Variants in WWOX observed in about 807,000 individuals in gnomAD.
WWOX encodes WW domain-containing oxidoreductase.
WWOX carries 69 observed loss-of-function variants against 46.2 expected under a neutral mutation model. The observed-to-expected ratio is 1.49, with a 90% CI of 1.23 to 1.82. The LOEUF is 1.82. WWOX is among the 40% of genes most tolerant of loss of function. WWOX has a pLI of 0.00. For synonymous variants in WWOX, 359 were observed against 202.6 expected, an observed-to-expected ratio of 1.77 and a Z score of -6.56; for missense variants, 919 against 542.6, an observed-to-expected ratio of 1.69 and a Z score of -6.89.
intron 8 of WWOX, among the ~76,000 whole-genome samples, chr16:78,915,433 T>C (rs907115651): frequency 6.6e-6 from 1 of 152,154 alleles, no homozygotes; most frequent in Non-Finnish European, 1.5e-5. Flanking sequence ...TAAATGTAAA[T>C]CGACTTAATA....
chr16:78,738,166 C>T (rs8058209), intron 8 of WWOX, among the ~76,000 whole-genome samples: 1,806 of 152,054 alleles, frequency 0.012, 38 homozygotes, highest in African/African-American at 0.04. Flanking sequence ...TGTGTGTGTC[C>T]GACTCATAAA....
At chr16:79,101,046 G>A (rs2049182539) in intron 8 of WWOX, 1 of 153,080 alleles carries the variant, frequency 6.5e-6, no homozygotes, top group Non-Finnish European at 1.5e-5. Flanking sequence ...CAGGACCCAG[G>A]ACGAGAGTTC....
intron 8 of WWOX, among the ~76,000 whole-genome samples, chr16:78,865,687 C>T (rs1402684119): frequency 1.3e-5 from 2 of 152,082 alleles, no homozygotes; most frequent in Non-Finnish European, 2.9e-5. Flanking sequence ...CGACACCAGC[C>T]TGGCCAACAT....
intron 8 of WWOX, among the ~76,000 whole-genome samples, chr16:78,927,936 G>T (rs1400996788): frequency 6.6e-6 from 1 of 152,108 alleles, no homozygotes; most frequent in Non-Finnish European, 1.5e-5. Flanking sequence ...TAAGTTTGCA[G>T]AGATTTGTGC....
chr16:78,827,660 C>A (rs6564601), intron 8 of WWOX, among the ~76,000 whole-genome samples: 4 of 149,090 alleles, frequency 2.7e-5, no homozygotes, highest in Non-Finnish European at 5.9e-5. Context: ...TGGTGAAACC[C>A]CATCTCTACT....
At chr16:78,571,205 C>T (rs2044707835) in intron 8 of WWOX, among the ~76,000 whole-genome samples, 1 of 152,088 alleles carries the variant, frequency 6.6e-6, no homozygotes, top group Non-Finnish European at 1.5e-5. Context: ...TGCAGACAGC[C>T]TTTGCTTTAT....
rs527645819 is a variant in WWOX, at chr16:79,027,708, A to T, written c.1057-183900A>T. Among the ~76,000 whole-genome samples the T allele has an allele frequency of 3.3e-5, 5 of 151,896 alleles. 1 individual carries two copies. Among genetic ancestry groups the T allele is most frequent in the African/African-American group, 1.2e-4 (5 of 41,206 alleles). On this transcript the variant is annotated intron_variant, in intron 8 of 8. Transcript: ENST00000566780. Reference sequence around the variant, plus strand: ...TACTTATCTCCTCCTTACTCTACCCAAGTAATGACTCATCCTTTTATACAG... The same window carrying T: ...TACTTATCTCCTCCTTACTCTACCCTAGTAATGACTCATCCTTTTATACAG...
chr16:78,517,855 ATTTTTTTTTTT>A lies in WWOX; in HGVS notation c.1056+85117_1056+85127del, dbSNP rs11342538. ...AAAAAAGAATGATGTTACACAACCT[ATTTTTTTTTTT>A]TTTTTTTTTTTTTACTCTGAATGTG... On this transcript the variant is annotated intron_variant, in intron 8 of 8. Coordinates refer to ENST00000566780, the MANE Select transcript of WWOX (RefSeq NM_016373.4). 4.6e-5 allele frequency among the ~76,000 whole-genome samples: 4 copies of A among 86,400 alleles called. No homozygotes were observed. The South Asian group carries it at 1.4e-3, about 30-fold the overall frequency. 56.7% of individuals were successfully genotyped at this position (86,400 alleles called of 152,430 possible).
intron 6 of WWOX, among the ~76,000 whole-genome samples, chr16:78,394,929 GA>G (rs1304982911): frequency 6.6e-6 from 1 of 152,138 alleles, no homozygotes; most frequent in African/African-American, 2.4e-5. Context: ...GCAAACTACT[GA>G]AAATCTCTCA....
chr16:78,716,603 C>G (rs979709145), intron 8 of WWOX, among the ~76,000 whole-genome samples: 11 of 152,038 alleles, frequency 7.2e-5, no homozygotes, highest in African/African-American at 2.7e-4. Flanking sequence ...TCGTGTGGTT[C>G]TGTGATAACC....
chr16:78,204,053 A>T (rs1358469586), intron 5 of WWOX, among the ~76,000 whole-genome samples: 1 of 152,110 alleles, frequency 6.6e-6, no homozygotes, highest in Non-Finnish European at 1.5e-5. Context: ...AACTCCAGGG[A>T]CAGGAATGGT....
chr16:79,207,106 T>G (rs537579042), intron 8 of WWOX, among the ~76,000 whole-genome samples: 2 of 152,186 alleles, frequency 1.3e-5, no homozygotes, highest in African/African-American at 4.8e-5. Context: ...AGACAGGGCG[T>G]GTAGACGGCC....
intron 8 of WWOX, among the ~76,000 whole-genome samples, chr16:78,466,670 A>G (rs1232982199): frequency 6.6e-6 from 1 of 152,078 alleles, no homozygotes; most frequent in African/African-American, 2.4e-5. Context: ...TCTCTACTAT[A>G]AACTCCGTCT....
chr16:78,645,519 A>G (rs1053577159), intron 8 of WWOX, among the ~76,000 whole-genome samples: 1 of 152,096 alleles, frequency 6.6e-6, no homozygotes, highest in Non-Finnish European at 1.5e-5. Context: ...GTGCCAATGT[A>G]TTTCTGATGA....
chr16:78,492,367 G>A (rs1301643681), intron 8 of WWOX, among the ~76,000 whole-genome samples: 1 of 152,204 alleles, frequency 6.6e-6, no homozygotes, highest in East Asian at 1.9e-4. Context: ...TCCACTGGAG[G>A]GACCACATTT....
intron 8 of WWOX, among the ~76,000 whole-genome samples, chr16:78,934,887 C>T (rs951606464): frequency 1.3e-5 from 2 of 152,030 alleles, no homozygotes; most frequent in Non-Finnish European, 2.9e-5. Context: ...ATCACTTGAG[C>T]CCAGGAGTTT....
At chr16:78,830,858 C>T (rs1454991067) in intron 8 of WWOX, among the ~76,000 whole-genome samples, 2 of 152,052 alleles carry the variant, frequency 1.3e-5, no homozygotes, top group Admixed American at 6.6e-5. Context: ...CCTTTTCTTT[C>T]TCCTACAGCC....
rs547030099 is a variant in WWOX, at chr16:78,496,835, G to A, written c.1056+64083G>A. On this transcript the variant is annotated intron_variant, in intron 8 of 8. Coordinates refer to ENST00000566780, the MANE Select transcript of WWOX (RefSeq NM_016373.4). ...CATGGAGAAGTCACTCCAACTTTCC[G>A]GAAACCCCTTTTGCTGTGCCATGTG... Among the ~76,000 whole-genome samples, 275 of 152,310 alleles carry A rather than the reference G, an allele frequency of 1.8e-3. 1 individual carries two copies. The highest frequency in any genetic ancestry group is 6.4e-3 in the African/African-American group (268 of 41,554).
chr16:78,287,769 G>A (rs1035939592), intron 5 of WWOX, among the ~76,000 whole-genome samples: 1 of 152,060 alleles, frequency 6.6e-6, no homozygotes, highest in African/African-American at 2.4e-5. Context: ...ACTTTCACTA[G>A]GCTTCTAATT....
Sources: allele counts gnomAD v4.1 joint callset (sites outside exome capture counted in the v4.1 genomes callset), GRCh38; gene constraint gnomAD v4.1.1; transcripts MANE v1.5; gene names NCBI Gene and HGNC (gene_info 2026-07-23, HGNC 2026-07-21).